INTU: variants seen among roughly 807,000 people sequenced by gnomAD.
INTU encodes protein inturned.
INTU carries 68 observed loss-of-function variants against 100.5 expected under a neutral mutation model. The ratio of observed to expected loss-of-function variants is 0.68; its 90% CI spans 0.56 to 0.83. INTU has a LOEUF of 0.83. Among genes scored for constraint, INTU ranks in the 40% least tolerant of loss-of-function variants. The pLI is 0.00. For missense variants in INTU, 1,071 were observed against 1,114.7 expected, an observed-to-expected ratio of 0.96 and a Z score of 0.56; for synonymous variants, 357 against 395.7, an observed-to-expected ratio of 0.90 and a Z score of 1.16.
chr4:127,675,989 G>T (rs1486886127), intron 6 of INTU: 3 of 218,814 alleles, frequency 1.4e-5, no homozygotes. Context: ...AAGAATTTGT[G>T]GACCTATTTT....
chr4:127,706,785 T>G lies in INTU; in HGVS notation c.2087T>G (p.Leu696Arg). Residue 696 changes from leucine (L) to arginine (R), a missense_variant, in exon 12 of 16, where the codon CTT (leucine) becomes CGT (arginine). By Grantham distance (102) the Leu-to-Arg change is moderately radical. Transcript: ENST00000335251. ...ACTTCTCCAACATGCAGAAGAACGC[T>G]TTTTGGTGACTATTCCTTAAAGACA... ...VATSPTCRRT[L>R]FGDYSLKTRK... The G allele has an allele frequency of 6.2e-7, 1 of 1,614,072 alleles. No homozygotes were observed. Among genetic ancestry groups the G allele is most frequent in the South Asian group, 1.1e-5 (1 of 91,078 alleles).
At position 127,718,295 on chromosome 4, in the gene INTU, A is replaced by T. The variant is rs1049113741; in HGVS notation, c.*1859A>T. The T allele has an allele frequency of 1.3e-5, 2 of 152,012 alleles. No homozygotes were observed. The highest frequency in any genetic ancestry group is 4.8e-5 in the African/African-American group (2 of 41,376). 9.4% of individuals were successfully genotyped at this position (152,012 alleles called of 1,614,324 possible). A position where few individuals can be genotyped will look rare whatever the true frequency, so the allele number is the denominator to read the frequency against. On this transcript the variant is annotated 3_prime_UTR_variant, in exon 16 of 16. Coordinates refer to ENST00000335251, the MANE Select transcript of INTU (RefSeq NM_015693.4). ...TTTGTTGAAGATCAGATGGTTGTAG[A>T]TGTGCAATCTTATTTCTGAGTTCTC... is the stretch of plus-strand genomic sequence containing the variant.
intron 4 of INTU, among the ~76,000 whole-genome samples, chr4:127,664,339 T>G (rs2126200964): frequency 1.3e-5 from 2 of 152,182 alleles, no homozygotes; most frequent in East Asian, 3.9e-4. Flanking sequence ...TTCTATGCCC[T>G]TTCTTTGATA....
chr4:127,714,828 A>G (rs559997839), intron 15 of INTU, among the ~76,000 whole-genome samples: 7 of 152,158 alleles, frequency 4.6e-5, no homozygotes, highest in South Asian at 2.1e-4. Flanking sequence ...GGCACATAAT[A>G]TAGTCACTTG....
At chr4:127,653,013 G>A (rs1359822956) in intron 2 of INTU, among the ~76,000 whole-genome samples, 1 of 151,466 alleles carries the variant, frequency 6.6e-6, no homozygotes, top group African/African-American at 2.4e-5. Context: ...TTGCGTAGAG[G>A]TGTTTGTAGT....
intron 4 of INTU, among the ~76,000 whole-genome samples, chr4:127,665,569 C>T (rs1208738886): frequency 6.6e-6 from 1 of 152,110 alleles, no homozygotes; most frequent in Admixed American, 6.6e-5. Flanking sequence ...CTTGCTATAA[C>T]AAACAATCCT....
rs1429839796 is a variant in INTU at position 127,718,290 on chromosome 4, T to TGTAG, written c.*1855_*1858dup. 6 of 152,266 alleles carry TGTAG rather than the reference T, an allele frequency of 3.9e-5. No individual in the cohort carries two copies. The East Asian group carries it at 1.2e-3, about 29-fold the overall frequency. The allele number at this position is 152,266 out of a possible 1,614,324, so 9.4% of individuals were successfully genotyped here. A position where few individuals can be genotyped will look rare whatever the true frequency, so the allele number is the denominator to read the frequency against. Reference sequence around the variant, plus strand: ...TCAGGTTTGTTGAAGATCAGATGGTTGTAGATGTGCAATCTTATTTCTGAG... The same window carrying TGTAG: ...TCAGGTTTGTTGAAGATCAGATGGTTGTAGGTAGATGTGCAATCTTATTTCTGAG... On this transcript the variant is annotated 3_prime_UTR_variant, in exon 16 of 16. Coordinates refer to ENST00000335251, the MANE Select transcript of INTU (RefSeq NM_015693.4).
Position 127,643,634 on chromosome 4 carries a change from A to G in INTU, c.260A>G (p.His87Arg), listed in dbSNP as rs528402455. ...CTTCCTGAGACACCAACTGTGAACCATGTCAGGTTCAGTGAAAATGAGATT... is the reference window on the plus strand; with the variant it reads ...CTTCCTGAGACACCAACTGTGAACCGTGTCAGGTTCAGTGAAAATGAGATT... Reference protein sequence around the residue: ...SLLPETPTVNHVRFSENEIII... With the variant: ...SLLPETPTVNRVRFSENEIII... Residue 87 changes from histidine to arginine, a missense_variant, in exon 2 of 16, where the codon CAT becomes CGT. His to Arg is a conservative substitution (Grantham distance 29, BLOSUM62 0). Transcript: ENST00000335251. 19 of 1,613,472 alleles carry G rather than the reference A, an allele frequency of 1.2e-5. No homozygotes were observed. In the East Asian group the frequency reaches 1.6e-4, roughly 13 times the overall value.
chr4:127,643,767 A>C lies in INTU; in HGVS notation c.393A>C (p.Lys131Asn). 1 of 1,613,558 alleles carries C rather than the reference A, an allele frequency of 6.2e-7. No homozygotes were observed. Among genetic ancestry groups the C allele is most frequent in the South Asian group, 1.1e-5 (1 of 90,974 alleles). ...KRLLPKRCNK[K>N]NSNDNGPVSI... The stretch of plus-strand genomic sequence containing the variant: ...TTTTACCCAAGCGCTGCAATAAAAA[A>C]AATAGCAATGACAATGGACCAGTAT... Residue 131 changes from lysine to asparagine, a missense_variant, in exon 2 of 16, where the codon AAA becomes AAC. Physicochemically the swap from Lys to Asn is moderately conservative, Grantham distance 94. Coordinates refer to ENST00000335251, the MANE Select transcript of INTU (RefSeq NM_015693.4).
In INTU at chr4:127,698,323, G is replaced by A. The variant is rs770790907; in HGVS notation, c.1450-1687G>A. Among the ~76,000 whole-genome samples, 155 of 152,034 alleles carry A rather than the reference G, an allele frequency of 1.0e-3. 1 individual carries two copies. The highest frequency in any genetic ancestry group is 3.5e-3 in the African/African-American group (146 of 41,466). On this transcript the variant is annotated intron_variant, in intron 8 of 15. Transcript: ENST00000335251. The stretch of plus-strand genomic sequence containing the variant: ...TAAAAATACAAAAAATTAGGCAGGC[G>A]TGGTGGCGGGCGCCTGTAGTCCCAG...
rs745374470 is a variant in INTU at position 127,643,549 on chromosome 4, G to C, written c.175G>C (p.Val59Leu). 1 of 1,605,732 alleles carries C rather than the reference G, an allele frequency of 6.2e-7. No individual in the cohort carries two copies. The highest frequency in any genetic ancestry group is 1.7e-5 in the Admixed American group (1 of 57,282). The change falls in exon 2 of 16, where the codon GTG (valine) becomes CTG (leucine). Residue 59 changes from valine (V) to leucine (L), a missense_variant. Coordinates refer to ENST00000335251, the MANE Select transcript of INTU (RefSeq NM_015693.4). ...TCTTGAGCCTGAATGGCTGGACAGT[G>C]TGCAGAAAAATGGAGAGCTGTTTTA... ...DDLEPEWLDS[V>L]QKNGELFYLE...
chr4:127,701,492 G>T (rs748399159), intron 9 of INTU, among the ~76,000 whole-genome samples: 3 of 152,064 alleles, frequency 2.0e-5, no homozygotes, highest in Non-Finnish European at 4.4e-5. Flanking sequence ...TAATGACTGG[G>T]TATTAGATGA....
At chr4:127,659,880 GTTTTAAC>G (rs1203216127) in intron 3 of INTU, among the ~76,000 whole-genome samples, 1 of 152,136 alleles carries the variant, frequency 6.6e-6, no homozygotes, top group Non-Finnish European at 1.5e-5. Context: ...TGAGTGGAGT[GTTTTAAC>G]TTTTATTATT....
intron 12 of INTU, among the ~76,000 whole-genome samples, chr4:127,708,155 C>G (rs1730963836): frequency 6.6e-6 from 1 of 152,092 alleles, no homozygotes; most frequent in Admixed American, 6.6e-5. Context: ...TGAATAGCTC[C>G]TAAGAGAAAT....
rs569046456 is a variant in INTU, at chr4:127,720,646, T to A, written c.*4210T>A. On this transcript the variant is annotated 3_prime_UTR_variant, in exon 16 of 16. Coordinates refer to ENST00000335251, the MANE Select transcript of INTU (RefSeq NM_015693.4). ...TTTGGGTCTCTAAGAACTTGTTTTA[T>A]GAATCTGAGTGCTCCTATATTAGGT... 21 of 152,346 alleles carry A rather than the reference T, an allele frequency of 1.4e-4. No individual in the cohort carries two copies. Among genetic ancestry groups the A allele is most frequent in the African/African-American group, 4.1e-4 (17 of 41,574 alleles). 9.4% of individuals were successfully genotyped at this position (152,346 alleles called of 1,614,324 possible).
intron 2 of INTU, among the ~76,000 whole-genome samples, chr4:127,645,697 A>AT (rs950740926): frequency 1.8e-4 from 28 of 151,940 alleles, no homozygotes; most frequent in African/African-American, 6.0e-4. Context: ...AGTAGTTGGG[A>AT]TTACTGGCAC....
intron 14 of INTU, among the ~76,000 whole-genome samples, chr4:127,713,315 T>C (rs539038362): frequency 6.6e-5 from 10 of 152,244 alleles, no homozygotes; most frequent in Admixed American, 1.3e-4. Flanking sequence ...GATCTGTTGA[T>C]GGATTAGATA....
intron 3 of INTU, among the ~76,000 whole-genome samples, chr4:127,661,582 C>T (rs1288710442): frequency 6.6e-6 from 1 of 152,048 alleles, no homozygotes; most frequent in African/African-American, 2.4e-5. Context: ...TGATTTCTCC[C>T]CTTCTGTACC....
chr4:127,711,375 A>G (rs1455185622), intron 14 of INTU, among the ~76,000 whole-genome samples: 1 of 152,196 alleles, frequency 6.6e-6, no homozygotes. Flanking sequence ...ATGTAAATTA[A>G]CCTTCCATAT....
Sources: allele counts gnomAD v4.1 joint callset (sites outside exome capture counted in the v4.1 genomes callset), GRCh38; gene constraint gnomAD v4.1.1; transcripts MANE v1.5; gene names NCBI Gene and HGNC (gene_info 2026-07-23, HGNC 2026-07-21).